The following RASL12 variants were observed in gnomAD, a reference collection of about 807,000 sequenced individuals.
RASL12 encodes the protein ras-like protein family member 12.
A neutral mutation model predicts 22.9 loss-of-function variants in RASL12; 16 were observed. The observed-to-expected ratio is 0.70, with a 90% CI of 0.47 to 1.06. The LOEUF (loss-of-function observed/expected upper bound fraction) is 1.06. Among genes scored for constraint, RASL12 ranks in the 50% least tolerant of loss-of-function variants. The pLI, the probability that RASL12 is intolerant of heterozygous loss-of-function variation, is 0.00. For synonymous variants in RASL12, 159 were observed against 152.2 expected, an observed-to-expected ratio of 1.04 and a Z score of -0.33; for missense variants, 306 against 353.1, an observed-to-expected ratio of 0.87 and a Z score of 1.07.
chr15:65,074,900 C>T (rs2086954446), intron 1 of RASL12, among the ~76,000 whole-genome samples: 1 of 152,278 alleles, frequency 6.6e-6, no homozygotes, highest in African/African-American at 2.4e-5. Flanking sequence ...GGCACCTCCT[C>T]TGCCTGGGCT....
At chr15:65,050,296 C>T (rs2086632859), downstream of RASL12, among the ~76,000 whole-genome samples, 1 of 152,162 alleles carries the variant, frequency 6.6e-6, no homozygotes, top group African/African-American at 2.4e-5. Flanking sequence ...AGGGTGTGGT[C>T]GCTTATTTAT....
chr15:65,065,132 G>T (rs2086860637), intron 2 of RASL12, 85 bp downstream of exon 2: 1 of 1,325,878 alleles, frequency 7.5e-7, no homozygotes, highest in Non-Finnish European at 1.1e-6. Flanking sequence ...TGCAGTCCTG[G>T]TCAGTGCCCA....
the RASL12 span, among the ~76,000 whole-genome samples, chr15:65,046,150 A>G: frequency 3.3e-5 from 5 of 152,218 alleles, no homozygotes; most frequent in Non-Finnish European, 5.9e-5. Flanking sequence ...ATAATACAAA[A>G]ATTAGCTGGA....
At position 65,065,229 on chromosome 15, in the gene RASL12, CATATTCACTG is replaced by C. The variant is rs1447776219; in HGVS notation, c.138_147del (p.Ile46MetfsTer22). 1 of 1,612,622 alleles carries C rather than the reference CATATTCACTG, an allele frequency of 6.2e-7. No homozygotes were observed. The highest frequency in any genetic ancestry group is 1.3e-5 in the African/African-American group (1 of 75,034). ...AGTAGTTTCTTACCCAAGTTGGGGT[CATATTCACTG>C]ATAAACCTCTTGGTCAGAAACTTCA... On this transcript the variant is annotated frameshift_variant, in exon 2 of 5. Coordinates refer to ENST00000220062, the MANE Select transcript of RASL12 (RefSeq NM_016563.4). LOFTEE classifies it high-confidence loss of function.
chr15:65,067,782 G>T lies in RASL12; in HGVS notation c.54C>A (p.Pro18=). The change falls in exon 1 of 5, where the codon CCC becomes CCA. Residue 18 remains proline (P), a synonymous_variant. Coordinates refer to ENST00000220062, the MANE Select transcript of RASL12 (RefSeq NM_016563.4). ...PRAGSGPQSA[P]LEVNLAILGR... ...CCAGGATGGCCAGGTTGACCTCGAG[G>T]GGCGCGCTCTGAGGCCCGCTGCCCG... is the stretch of plus-strand genomic sequence containing the variant. 6.3e-7 allele frequency: 1 copy of T among 1,582,322 alleles called. No homozygotes were observed. Among genetic ancestry groups the T allele is most frequent in the East Asian group, 2.4e-5 (1 of 41,538 alleles).
intron 2 of RASL12, among the ~76,000 whole-genome samples, chr15:65,063,852 G>C (rs1480892848): frequency 6.6e-6 from 1 of 152,226 alleles, no homozygotes; most frequent in Non-Finnish European, 1.5e-5. Flanking sequence ...AGGGTAAGGA[G>C]CTCTCCCCTC....
At chr15:65,056,400 A>G (rs1375950892) in intron 4 of RASL12, among the ~76,000 whole-genome samples, 1 of 152,190 alleles carries the variant, frequency 6.6e-6, no homozygotes, top group East Asian at 1.9e-4. Flanking sequence ...AAAAAGAGTC[A>G]GAGGCATCGG....
intron 2 of RASL12, 29 bp downstream of exon 2, chr15:65,065,188 A>T: frequency 6.2e-7 from 1 of 1,607,374 alleles, no homozygotes; most frequent in Non-Finnish European, 8.5e-7. Flanking sequence ...GGGCACAGGC[A>T]GCAGAAGGTA....
chr15:65,067,023 A>C, intron 1 of RASL12, among the ~76,000 whole-genome samples: 1 of 152,188 alleles, frequency 6.6e-6, no homozygotes, highest in Admixed American at 6.5e-5. Flanking sequence ...TGGAACCATA[A>C]CCCAATGTGT....
At chr15:65,069,153 C>G (rs1341721791), upstream of RASL12, among the ~76,000 whole-genome samples, 1 of 152,184 alleles carries the variant, frequency 6.6e-6, no homozygotes, top group Non-Finnish European at 1.5e-5. Flanking sequence ...AGGGTCAGAG[C>G]TGGATGGTAA....
rs1365010313 is a variant in RASL12 at position 65,065,206 on chromosome 15, T to C, written c.160+11A>G. The C allele has an allele frequency of 1.2e-6, 2 of 1,611,092 alleles. No homozygotes were observed. Among genetic ancestry groups the C allele is most frequent in the African/African-American group, 1.3e-5 (1 of 74,776 alleles). The stretch of plus-strand genomic sequence containing the variant: ...CACAGGCAGCAGAAGGTACGGGGAG[T>C]AGTTTCTTACCCAAGTTGGGGTCAT... On this transcript the variant is annotated intron_variant, in intron 2 of 4. Transcript: ENST00000220062.
chr15:65,050,830 C>CTTTTTTTTTTTTTTTTTTTTTTTTTT (rs1206139825), downstream of RASL12, among the ~76,000 whole-genome samples: 1 of 48,538 alleles, frequency 2.1e-5, no homozygotes, highest in African/African-American at 5.3e-5. Context: ...CTTTCTTCTT[C>CTTTTTTTTTTTTTTTTTTTTTTTTTT]TTCTTCTTTT....
intron 4 of RASL12, among the ~76,000 whole-genome samples, chr15:65,056,599 G>A (rs1003448348): frequency 5.9e-5 from 9 of 152,216 alleles, no homozygotes; most frequent in African/African-American, 2.2e-4. Flanking sequence ...GCATGTGTGT[G>A]AGTGGGTGAC....
At chr15:65,051,504 T>A (rs756239604), downstream of RASL12, 1 of 1,613,084 alleles carries the variant, frequency 6.2e-7, no homozygotes, top group Non-Finnish European at 8.5e-7. Flanking sequence ...GTCCTGTGTG[T>A]CCTTCCCCAG....
chr15:65,073,542 C>T (rs967120442), intron 1 of RASL12, among the ~76,000 whole-genome samples: 7 of 152,158 alleles, frequency 4.6e-5, no homozygotes, highest in Admixed American at 6.5e-5. Context: ...GGATGGGGAG[C>T]GGCTGTAAAT....
In RASL12 at chr15:65,076,640, C is replaced by T. The variant is rs549007437; in HGVS notation, c.-42G>A. On this transcript the variant is annotated 5_prime_UTR_variant, in exon 1 of 5. Coordinates refer to the RASL12 transcript ENST00000434605. ...AGTGATCACACAGGTCTCCAGATGC[C>T]CTCCGGGCCTGCAGCCATACAGCCT... is the stretch of plus-strand genomic sequence containing the variant. The T allele has an allele frequency of 3.5e-5, 25 of 706,326 alleles. 1 individual carries two copies. The highest frequency in any genetic ancestry group is 6.3e-5 in the Admixed American group (3 of 47,984). 43.8% of individuals were successfully genotyped at this position (706,326 alleles called of 1,614,324 possible).
chr15:65,063,422 A>G (rs1024442530), intron 2 of RASL12, among the ~76,000 whole-genome samples: 1 of 151,530 alleles, frequency 6.6e-6, no homozygotes, highest in Non-Finnish European at 1.5e-5. Context: ...GCCTCTTCCA[A>G]CACCTCGCCG....
intron 4 of RASL12, among the ~76,000 whole-genome samples, chr15:65,056,806 T>C (rs1405627366): frequency 6.6e-6 from 1 of 152,214 alleles, no homozygotes; most frequent in Non-Finnish European, 1.5e-5. Context: ...ACTTGGGACT[T>C]GATCGAAGAA....
intron 2 of RASL12, among the ~76,000 whole-genome samples, chr15:65,062,799 G>A (rs549153235): frequency 6.6e-6 from 1 of 152,346 alleles, no homozygotes; most frequent in South Asian, 2.1e-4. Context: ...ATCCACAGAA[G>A]GAAAGGTTCT....
Sources: gnomAD v4.1 joint callset for allele counts (sites outside exome capture counted in the v4.1 genomes callset) on GRCh38, gnomAD v4.1.1 for gene constraint, MANE v1.5 for transcripts, NCBI Gene and HGNC (gene_info 2026-07-23, HGNC 2026-07-21) for gene names.